Variants in LHCGR observed in about 807,000 individuals in gnomAD.
LHCGR encodes the protein luteinizing hormone/choriogonadotropin receptor.
Under a neutral mutation model 60.7 loss-of-function variants are expected in LHCGR, and 55 were observed. That is an observed-to-expected ratio of 0.91 (90% CI 0.73 to 1.13). LHCGR has a LOEUF of 1.13. LHCGR is among the 50% of genes most tolerant of loss of function. LHCGR has a pLI of 0.00. For missense variants in LHCGR, 862 were observed against 836.0 expected, an observed-to-expected ratio of 1.03 and a Z score of -0.38; for synonymous variants, 337 against 316.5, an observed-to-expected ratio of 1.06 and a Z score of -0.69.
intron 7 of LHCGR, among the ~76,000 whole-genome samples, chr2:48,713,193 A>G (rs1024204788): frequency 6.7e-6 from 1 of 149,938 alleles, no homozygotes; most frequent in Non-Finnish European, 1.5e-5. Context: ...AAGCATTAGT[A>G]TAGATCATGG....
At chr2:48,707,983 G>C (rs537820556) in intron 8 of LHCGR, among the ~76,000 whole-genome samples, 1 of 152,288 alleles carries the variant, frequency 6.6e-6, no homozygotes, top group Non-Finnish European at 1.5e-5. Flanking sequence ...TGTGCTCCCT[G>C]GGTGAGGTGA....
At chr2:48,711,882 A>G (rs1479139950) in intron 7 of LHCGR, among the ~76,000 whole-genome samples, 4 of 151,818 alleles carry the variant, frequency 2.6e-5, no homozygotes, top group African/African-American at 9.7e-5. Flanking sequence ...TTCTTTAAGC[A>G]CTCATCTCAT....
At chr2:48,743,007 G>A (rs900448375) in intron 1 of LHCGR, among the ~76,000 whole-genome samples, 22 of 151,788 alleles carry the variant, frequency 1.4e-4, no homozygotes, top group Non-Finnish European at 3.1e-4. Context: ...ATGATAAAGG[G>A]GATATCACCA....
chr2:48,700,422 A>T (rs888865257), intron 8 of LHCGR, among the ~76,000 whole-genome samples: 3 of 152,098 alleles, frequency 2.0e-5, no homozygotes, highest in Non-Finnish European at 2.9e-5. Flanking sequence ...ACCCCTTGGG[A>T]AGGAAGAGAC....
chr2:48,750,619 G>A (rs937853424), intron 1 of LHCGR, among the ~76,000 whole-genome samples: 11 of 152,206 alleles, frequency 7.2e-5, no homozygotes, highest in South Asian at 6.2e-4. Flanking sequence ...CATGCTAGCT[G>A]ATGTAGACAT....
chr2:48,755,499 C>G lies in LHCGR; in HGVS notation c.161+12G>C. ...CATCAAGGGCGCCGCGACGGGAGCG[C>G]TGTGTACTCACAGTCGAGTGAGACC... On this transcript the variant is annotated intron_variant, in intron 1 of 10. Coordinates refer to ENST00000294954, the MANE Select transcript of LHCGR (RefSeq NM_000233.4). 1 of 1,522,844 alleles carries G rather than the reference C, an allele frequency of 6.6e-7. No individual in the cohort carries two copies. The highest frequency in any genetic ancestry group is 8.9e-7 in the Non-Finnish European group (1 of 1,127,034). The allele number at this position is 1,522,844 out of a possible 1,614,324, so 94.3% of individuals were successfully genotyped here.
At chr2:48,749,832 G>A (rs113320109) in intron 1 of LHCGR, among the ~76,000 whole-genome samples, 17 of 152,150 alleles carry the variant, frequency 1.1e-4, no homozygotes, top group African/African-American at 4.1e-4. Context: ...CTACACTTGC[G>A]TTGAGATTTT....
chr2:48,689,190 T>G lies in LHCGR; in HGVS notation c.948-341A>C, dbSNP rs1680078725. 2.0e-5 allele frequency among the ~76,000 whole-genome samples: 3 copies of G among 151,482 alleles called. No individual in the cohort carries two copies. In the South Asian group the frequency reaches 6.2e-4, roughly 31 times the overall value. ...ATATATACATATATACACACATATA[T>G]ATACTATACATACATACATATATAT... On this transcript the variant is annotated intron_variant, in intron 10 of 10. Transcript: ENST00000294954.
At chr2:48,721,470 A>G (rs1000483197) in intron 6 of LHCGR, 1 of 266,816 alleles carries the variant, frequency 3.7e-6, no homozygotes, top group African/African-American at 2.2e-5. Flanking sequence ...TTATTTTTGA[A>G]ATTATTTTTG....
rs904885201 is a variant in LHCGR, at chr2:48,755,093, G to T, written c.161+418C>A. ...CACTCCATTCCTAGAGGACCACAGGGTGCCAGAGCTCACATTCACCTTCCC... is the reference window on the plus strand; with the variant it reads ...CACTCCATTCCTAGAGGACCACAGGTTGCCAGAGCTCACATTCACCTTCCC... On this transcript the variant is annotated intron_variant, in intron 1 of 10. Coordinates refer to ENST00000294954, the MANE Select transcript of LHCGR (RefSeq NM_000233.4). 3.9e-5 allele frequency among the ~76,000 whole-genome samples: 6 copies of T among 152,032 alleles called. No individual in the cohort carries two copies. In the East Asian group the frequency reaches 1.2e-3, roughly 30 times the overall value.
At chr2:48,739,035 C>T (rs1572884542) in intron 1 of LHCGR, among the ~76,000 whole-genome samples, 1 of 152,232 alleles carries the variant, frequency 6.6e-6, no homozygotes, top group South Asian at 2.1e-4. Context: ...CTGTTTGGCA[C>T]ATCTCCCTTC....
intron 7 of LHCGR, among the ~76,000 whole-genome samples, chr2:48,712,282 G>T (rs528462915): frequency 1.1e-3 from 171 of 152,080 alleles, no homozygotes; most frequent in African/African-American, 3.4e-3. Flanking sequence ...TTCTTCCTAT[G>T]CTGTAAGCTC....
chr2:48,688,674 T>C lies in LHCGR; in HGVS notation c.1123A>G (p.Met375Val). ...LIWLINILAI[M>V]GNMTVLFVLL... ...ACAAAAAGAACAGTCATGTTTCCCA[T>C]GATGGCTAGAATATTAATCAGCCAA... The change falls in exon 11 of 11, where the codon ATG becomes GTG. Residue 375 changes from methionine (M) to valine (V), a missense_variant. Physicochemically the swap from Met to Val is conservative, Grantham distance 21. Transcript: ENST00000294954. This position sits in a 1 kb window ranked among gnomAD's most constrained non-coding sequence, Gnocchi z 5.2. The C allele has an allele frequency of 5.0e-6, 8 of 1,614,190 alleles. No individual in the cohort carries two copies. Among genetic ancestry groups the C allele is most frequent in the Non-Finnish European group, 6.8e-6 (8 of 1,180,028 alleles).
chr2:48,728,670 C>A (rs557054444), intron 3 of LHCGR, among the ~76,000 whole-genome samples: 2 of 152,016 alleles, frequency 1.3e-5, no homozygotes. Context: ...AGAGTTAATT[C>A]CAAAACATCA....
intron 1 of LHCGR, among the ~76,000 whole-genome samples, chr2:48,740,819 G>A (rs183137905): frequency 3.3e-5 from 5 of 152,350 alleles, no homozygotes; most frequent in Non-Finnish European, 7.3e-5. Context: ...TTTCTCACCA[G>A]CAACGGAACA....
chr2:48,699,417 C>A (rs1368296378), intron 8 of LHCGR, among the ~76,000 whole-genome samples: 2 of 152,206 alleles, frequency 1.3e-5, no homozygotes, highest in Non-Finnish European at 2.9e-5. Context: ...CACCCTCTCT[C>A]TTCCTCCACT....
In LHCGR at chr2:48,687,565, AG is replaced by A; in HGVS notation, c.*131del. 2.8e-6 allele frequency: 2 copies of A among 706,602 alleles called. No individual in the cohort carries two copies. Among genetic ancestry groups the A allele is most frequent in the South Asian group, 1.7e-5 (1 of 58,412 alleles). 43.8% of individuals were successfully genotyped at this position (706,602 alleles called of 1,614,324 possible). A position where few individuals can be genotyped will look rare whatever the true frequency, so the allele number is the denominator to read the frequency against. Reference sequence around the variant, plus strand: ...ATAGACTACACTTTCTACTAGGTAGAGGTCTCTTGCCTAATGTACCTAAAAA... The same window carrying A: ...ATAGACTACACTTTCTACTAGGTAGAGTCTCTTGCCTAATGTACCTAAAAA... On this transcript the variant is annotated 3_prime_UTR_variant, in exon 11 of 11. Coordinates refer to ENST00000294954, the MANE Select transcript of LHCGR (RefSeq NM_000233.4).
chr2:48,689,081 A>G (rs1680062330), intron 10 of LHCGR, among the ~76,000 whole-genome samples: 1 of 151,780 alleles, frequency 6.6e-6, no homozygotes, highest in Non-Finnish European at 1.5e-5. Context: ...ACACACATAT[A>G]TACACACATA....
chr2:48,723,256 ATTGG>A (rs1668579640), intron 6 of LHCGR, among the ~76,000 whole-genome samples, 196 bp downstream of exon 6: 1 of 152,186 alleles, frequency 6.6e-6, no homozygotes, highest in Admixed American at 6.5e-5. Context: ...GTTAAACTGA[ATTGG>A]TTGGTTGGTT....
Sources: gnomAD v4.1 joint callset for allele counts (sites outside exome capture counted in the v4.1 genomes callset) on GRCh38, gnomAD v4.1.1 for gene constraint, Gnocchi (gnomAD v3.1) non-coding constraint, MANE v1.5 for transcripts, NCBI Gene and HGNC (gene_info 2026-07-23, HGNC 2026-07-21) for gene names.